The following ITGA3 variants were observed in gnomAD, a reference collection of about 807,000 sequenced individuals.
ITGA3 encodes integrin subunit alpha 3, also known as integrin alpha-3.
Under a neutral mutation model 131.1 loss-of-function variants are expected in ITGA3, and 70 were observed. The observed-to-expected ratio is 0.53, with a 90% confidence interval of 0.44 to 0.65. ITGA3 has a LOEUF of 0.65. Among genes scored for constraint, ITGA3 ranks in the 30% least tolerant of loss-of-function variants. The probability of loss-of-function intolerance (pLI) is 0.00; values close to 1 mark genes in which losing one functional copy is unlikely to be tolerated. For missense variants in ITGA3, 1,098 were observed against 1,388.6 expected (o/e 0.79, Z 3.33); for synonymous variants, 537 against 571.6 (o/e 0.94, Z 0.86).
rs1907807025 is a variant in ITGA3 at position 50,056,376 on chromosome 17, G to A, written c.-64G>A. Reference sequence around the variant, plus strand: ...CGGCGGCGCGGGGAGCAGGTGAACAGGTCCTCACGCCCAGCTCCGCGCCCT... The same window carrying A: ...CGGCGGCGCGGGGAGCAGGTGAACAAGTCCTCACGCCCAGCTCCGCGCCCT... On this transcript the variant is annotated 5_prime_UTR_variant, in exon 1 of 26. Transcript: ENST00000320031. The surrounding 1 kb of genome is among the most constrained non-coding windows in gnomAD (Gnocchi z 5.6). 1 of 1,219,954 alleles carries A rather than the reference G, an allele frequency of 8.2e-7. No homozygotes were observed. Among genetic ancestry groups the A allele is most frequent in the South Asian group, 1.7e-5 (1 of 58,736 alleles). 75.6% of individuals were successfully genotyped at this position (1,219,954 alleles called of 1,614,324 possible).
intron 7 of ITGA3, among the ~76,000 whole-genome samples, 194 bp downstream of exon 7, chr17:50,072,376 C>T (rs1206200649): frequency 6.6e-6 from 1 of 152,172 alleles, no homozygotes; most frequent in Non-Finnish European, 1.5e-5. Context: ...CAGAGGCAAG[C>T]TCAGTGGGCC....
In ITGA3 at chr17:50,056,313, G is replaced by C; in HGVS notation, c.-127G>C. ...GGCTGGGGGCACGAAACCGATCAGC[G>C]CTACGGAGCGCAGCGGCCGGCGGGT... On this transcript the variant is annotated 5_prime_UTR_variant, in exon 1 of 26. Coordinates refer to ENST00000320031, the MANE Select transcript of ITGA3 (RefSeq NM_002204.4). This position sits in a 1 kb window ranked among gnomAD's most constrained non-coding sequence, Gnocchi z 5.6. The C allele has an allele frequency of 1.6e-6, 1 of 610,644 alleles. No individual in the cohort carries two copies. The highest frequency in any genetic ancestry group is 2.6e-6 in the Non-Finnish European group (1 of 378,558). The allele number at this position is 610,644 out of a possible 1,614,324, so 37.8% of individuals were successfully genotyped here.
At chr17:50,076,547 G>C (rs111983058) in intron 13 of ITGA3, 37 bp from the exon 14 acceptor site, 16 of 1,605,318 alleles carry the variant, frequency 1.0e-5, no homozygotes, top group African/African-American at 2.7e-5. Flanking sequence ...GCACTGGGGG[G>C]GGTGGTGCGG....
rs1207569940 is a variant in ITGA3, at chr17:50,090,189, G to A, written c.*1111G>A. 4.4e-6 allele frequency: 2 copies of A among 454,906 alleles called. No individual in the cohort carries two copies. The highest frequency in any genetic ancestry group is 3.1e-5 in the South Asian group (2 of 64,504). 28.2% of individuals were successfully genotyped at this position (454,906 alleles called of 1,614,324 possible). On this transcript the variant is annotated 3_prime_UTR_variant, in exon 26 of 26. Transcript: ENST00000320031. ...AGGGGGCCCTGCCCCACCCCATCCA[G>A]CCAGACCCCACGCTGACCATGCGTC...
intron 4 of ITGA3, 69 bp downstream of exon 4, chr17:50,068,374 G>T: frequency 6.4e-7 from 1 of 1,561,674 alleles, no homozygotes. Context: ...TAGCCACGGG[G>T]ACAGCTGGCC....
At chr17:50,081,968 T>C (rs1909204508) in intron 23 of ITGA3, among the ~76,000 whole-genome samples, 1 of 152,180 alleles carries the variant, frequency 6.6e-6, no homozygotes. Context: ...GATGTCATCA[T>C]CTACGTGGCA....
Position 50,090,236 on chromosome 17 carries a change from T to G in ITGA3, c.*1158T>G, listed in dbSNP as rs1314027689. 2.2e-6 allele frequency: 1 copy of G among 456,506 alleles called. No homozygotes were observed. Among genetic ancestry groups the G allele is most frequent in the Admixed American group, 2.3e-5 (1 of 42,570 alleles). 28.3% of individuals were successfully genotyped at this position (456,506 alleles called of 1,614,324 possible). A position where few individuals can be genotyped will look rare whatever the true frequency, so the allele number is the denominator to read the frequency against. ...CGTCAGGGGCCTAGAGGTGGAGTTCTTAGCTATCCTTGGCTTTCAGAGCCA... is the reference window on the plus strand; with the variant it reads ...CGTCAGGGGCCTAGAGGTGGAGTTCGTAGCTATCCTTGGCTTTCAGAGCCA... On this transcript the variant is annotated 3_prime_UTR_variant, in exon 26 of 26. Coordinates refer to ENST00000320031, the MANE Select transcript of ITGA3 (RefSeq NM_002204.4).
In ITGA3 at chr17:50,089,460, A is replaced by T. The variant is rs1909615997; in HGVS notation, c.*382A>T. On this transcript the variant is annotated 3_prime_UTR_variant, in exon 26 of 26. Transcript: ENST00000320031. ...TCCCACAGGAGGGCCAGCGCTGTGG[A>T]CCTTACAACGCCGAGTGCACTGCAT... 3.0e-5 allele frequency: 18 copies of T among 593,270 alleles called. No individual in the cohort carries two copies. In the South Asian group the frequency reaches 3.6e-4, roughly 12 times the overall value. The allele number at this position is 593,270 out of a possible 1,614,324, so 36.8% of individuals were successfully genotyped here.
chr17:50,075,317 C>A (rs1482643859), intron 10 of ITGA3, 142 bp from the exon 11 acceptor site: 2 of 771,672 alleles, frequency 2.6e-6, no homozygotes, highest in African/African-American at 3.4e-5. Context: ...ACACCACAGA[C>A]CTGCTTTGTG....
intron 23 of ITGA3, among the ~76,000 whole-genome samples, chr17:50,084,523 A>G (rs988967261): frequency 1.3e-5 from 2 of 152,222 alleles, no homozygotes; most frequent in African/African-American, 4.8e-5. Flanking sequence ...GATTGGTTCA[A>G]TAAATTATGG....
Position 50,064,266 on chromosome 17 carries a change from G to C in ITGA3, c.334+62G>C. 1 of 1,552,132 alleles carries C rather than the reference G, an allele frequency of 6.4e-7. No individual in the cohort carries two copies. Among genetic ancestry groups the C allele is most frequent in the East Asian group, 2.4e-5 (1 of 42,462 alleles). ...AGGTCTGGCAGGGGGGTACCGCAGA[G>C]AGAATGGCCTGGAGGAGATAGAAGG... On this transcript the variant is annotated intron_variant, in intron 2 of 25. Transcript: ENST00000320031. This position sits in a 1 kb window ranked among gnomAD's most constrained non-coding sequence, Gnocchi z 4.4.
intron 21 of ITGA3, 97 bp downstream of exon 21, chr17:50,079,654 A>T (rs1909093958): frequency 2.4e-6 from 3 of 1,272,204 alleles, no homozygotes; most frequent in Non-Finnish European, 3.1e-6. Context: ...CCTCAGTGTG[A>T]TGAGGTGATG....
At position 50,078,292 on chromosome 17, in the gene ITGA3, C is replaced by T; in HGVS notation, c.2297+8C>T. 1 of 1,608,882 alleles carries T rather than the reference C, an allele frequency of 6.2e-7. No homozygotes were observed. The highest frequency in any genetic ancestry group is 8.5e-7 in the Non-Finnish European group (1 of 1,176,076). On this transcript the variant is annotated splice_region_variant and intron_variant, in intron 18 of 25. Transcript: ENST00000320031. ...CCAGACCTCGCTTAGCATGTGGGTACCGCTCTCCACCACCCCCACCCCAGC... is the reference window on the plus strand; with the variant it reads ...CCAGACCTCGCTTAGCATGTGGGTATCGCTCTCCACCACCCCCACCCCAGC...
At chr17:50,063,740 T>C (rs1225104194) in intron 1 of ITGA3, 1 of 306,882 alleles carries the variant, frequency 3.3e-6, no homozygotes, top group Non-Finnish European at 6.2e-6. Flanking sequence ...TGCACATGTG[T>C]GCCTTTGCCC....
In ITGA3 at chr17:50,090,085, C is replaced by T. The variant is rs777794627; in HGVS notation, c.*1007C>T. The T allele has an allele frequency of 2.9e-6, 1 of 343,326 alleles. No homozygotes were observed. Among genetic ancestry groups the T allele is most frequent in the Non-Finnish European group, 6.0e-6 (1 of 166,812 alleles). The allele number at this position is 343,326 out of a possible 1,614,324, so 21.3% of individuals were successfully genotyped here. ...AGAGGAGATGCCACTTCTCACTCAC[C>T]ACTACCAGCCAGCCTCAGAAGGCCC... On this transcript the variant is annotated 3_prime_UTR_variant, in exon 26 of 26. Coordinates refer to ENST00000320031, the MANE Select transcript of ITGA3 (RefSeq NM_002204.4).
In ITGA3 at chr17:50,075,800, C is replaced by T; in HGVS notation, c.1674+65C>T. On this transcript the variant is annotated intron_variant, in intron 12 of 25. Transcript: ENST00000320031. ...CCCTGGAGGAGGTGGCCAGTGTCCC[C>T]CTAGATCAAGGGTGAGGGACGGGGG... The T allele has an allele frequency of 2.6e-6, 4 of 1,567,742 alleles. No homozygotes were observed. The South Asian group carries it at 3.4e-5, about 13-fold the overall frequency.
Position 50,064,325 on chromosome 17 carries a change from A to G in ITGA3, c.334+121A>G, listed in dbSNP as rs1447308061. 9 of 1,347,362 alleles carry G rather than the reference A, an allele frequency of 6.7e-6. 1 individual carries two copies. In the Admixed American group the frequency reaches 1.4e-4, roughly 21 times the overall value. 83.5% of individuals were successfully genotyped at this position (1,347,362 alleles called of 1,614,324 possible). On this transcript the variant is annotated intron_variant, in intron 2 of 25. Coordinates refer to ENST00000320031, the MANE Select transcript of ITGA3 (RefSeq NM_002204.4). This position sits in a 1 kb window ranked among gnomAD's most constrained non-coding sequence, Gnocchi z 4.4. ...CACGGCTTCTAGTCGCTTCTTGTCC[A>G]GCTGGGAAGAGGGTGCCCTAGAGGA...
At chr17:50,067,537 A>G (rs1212485166) in intron 3 of ITGA3, among the ~76,000 whole-genome samples, 3 of 152,202 alleles carry the variant, frequency 2.0e-5, no homozygotes, top group Non-Finnish European at 4.4e-5. Context: ...GGAAATAATC[A>G]TTCCTACACC....
Position 50,056,726 on chromosome 17 carries a change from C to A in ITGA3, c.206+81C>A. ...GCGGGTCCGGAGCTGAGTCGGAGCC[C>A]AGGGCAGCTGGCCCTTGGGAGCCAG... On this transcript the variant is annotated intron_variant, in intron 1 of 25. Transcript: ENST00000320031. The surrounding 1 kb of genome is among the most constrained non-coding windows in gnomAD (Gnocchi z 5.6). 7.1e-7 allele frequency: 1 copy of A among 1,400,390 alleles called. No homozygotes were observed. The highest frequency in any genetic ancestry group is 9.7e-7 in the Non-Finnish European group (1 of 1,030,686). 86.7% of individuals were successfully genotyped at this position (1,400,390 alleles called of 1,614,324 possible).
Sources: gnomAD v4.1 joint callset for allele counts (sites outside exome capture counted in the v4.1 genomes callset) on GRCh38, gnomAD v4.1.1 for gene constraint, Gnocchi (gnomAD v3.1) non-coding constraint, MANE v1.5 for transcripts, NCBI Gene and HGNC (gene_info 2026-07-23, HGNC 2026-07-21) for gene names.